BRD8: variants seen among roughly 807,000 people sequenced by gnomAD.
The protein encoded by BRD8 is bromodomain-containing protein 8.
BRD8 carries 67 observed loss-of-function variants against 143.1 expected under a neutral mutation model. The observed-to-expected ratio is 0.47, with a 90% confidence interval of 0.38 to 0.57. BRD8 has a LOEUF of 0.57. Ranked by LOEUF, BRD8 falls within the 20% of genes least tolerant of loss-of-function variation. The pLI is 0.00. For synonymous variants in BRD8, 505 were observed against 517.1 expected, an observed-to-expected ratio of 0.98 and a Z score of 0.32; for missense variants, 1,103 against 1,503.0, an observed-to-expected ratio of 0.73 and a Z score of 4.40.
Position 138,161,056 on chromosome 5 carries a change from C to A in BRD8, c.2262G>T (p.Leu754Phe). Residue 754 changes from leucine (L) to phenylalanine (F), a missense_variant, in exon 18 of 27, where the codon TTG (leucine) becomes TTT (phenylalanine). This residue lies in a region of BRD8 where 64 missense variants were observed against 211.3 expected (regional missense o/e 0.30). Transcript: ENST00000254900. ...TTTCTATGTTTTTCTTAATAGTTGA[C>A]AAATCCATAGGCCTAAAAAAAAAGA... ...YHSIVQRPMD[L>F]STIKKNIENG... The A allele has an allele frequency of 6.2e-7, 1 of 1,610,680 alleles. No individual in the cohort carries two copies. The highest frequency in any genetic ancestry group is 8.5e-7 in the Non-Finnish European group (1 of 1,178,496).
At chr5:138,177,833 T>C (rs1754486382) in intron 1 of BRD8, among the ~76,000 whole-genome samples, 166 bp from the exon 2 acceptor site, 1 of 152,144 alleles carries the variant, frequency 6.6e-6, no homozygotes, top group Non-Finnish European at 1.5e-5. Context: ...CCTCTCCAAG[T>C]GAAATATCAC....
Position 138,157,348 on chromosome 5 carries a change from G to A in BRD8, c.2577+2207C>T, listed in dbSNP as rs1009483292. On this transcript the variant is annotated intron_variant, in intron 20 of 26. Coordinates refer to ENST00000254900, the MANE Select transcript of BRD8 (RefSeq NM_139199.2). ...GGTGCAACAGAAAAGTTGGGGATTT[G>A]GTTTCTTGGGGGAGAGGGAAGAGAA... 9.6e-6 allele frequency: 15 copies of A among 1,565,634 alleles called. No individual in the cohort carries two copies. In the African/African-American group the frequency reaches 1.9e-4, roughly 20 times the overall value.
chr5:138,154,535 T>C (rs1398401854), intron 20 of BRD8, among the ~76,000 whole-genome samples: 1 of 152,226 alleles, frequency 6.6e-6, no homozygotes, highest in Non-Finnish European at 1.5e-5. Flanking sequence ...TTTTCCTTTC[T>C]TGTTTGCAAC....
chr5:138,156,297 G>A (rs766467281), intron 20 of BRD8, among the ~76,000 whole-genome samples: 24 of 151,880 alleles, frequency 1.6e-4, no homozygotes, highest in Non-Finnish European at 3.1e-4. Context: ...GCGCCACCAC[G>A]CCCAGCTAAT....
Position 138,163,301 on chromosome 5 carries a change from G to A in BRD8, c.1916C>T (p.Ala639Val), listed in dbSNP as rs150894547. 1.1e-4 allele frequency: 174 copies of A among 1,613,990 alleles called. No homozygotes were observed. The highest frequency in any genetic ancestry group is 1.4e-4 in the Non-Finnish European group (164 of 1,180,016). Residue 639 changes from alanine (A) to valine (V), a missense_variant, in exon 15 of 27, where the codon GCG becomes GTG. Ala to Val is a moderately conservative substitution (Grantham distance 64). Coordinates refer to ENST00000254900, the MANE Select transcript of BRD8 (RefSeq NM_139199.2). ...EDEEEDGVSE[A>V]ASLEEPKEED... is the part of the protein sequence containing the mutation. ...TTCCTTAGGCTCCTCTAGGCTGGCC[G>A]CTTCACTGACACCATCTTCCTCCTC...
intron 18 of BRD8, 133 bp from the exon 19 acceptor site, chr5:138,160,306 T>C: frequency 1.6e-6 from 1 of 644,446 alleles, no homozygotes; most frequent in South Asian, 2.0e-5. Flanking sequence ...TGATTGGAAG[T>C]TTAGCATATT....
chr5:138,175,485 A>C (rs1427565871), intron 2 of BRD8, among the ~76,000 whole-genome samples: 1 of 152,002 alleles, frequency 6.6e-6, no homozygotes, highest in Non-Finnish European at 1.5e-5. Context: ...TAGGAGGCTA[A>C]GGTGGGAGGA....
At chr5:138,162,392 C>A (rs1327966375) in intron 15 of BRD8, among the ~76,000 whole-genome samples, 1 of 151,942 alleles carries the variant, frequency 6.6e-6, no homozygotes, top group African/African-American at 2.4e-5. Context: ...GATAGGGTCT[C>A]ACTGTGTTGC....
intron 19 of BRD8, among the ~76,000 whole-genome samples, 181 bp downstream of exon 19, chr5:138,159,888 G>A (rs917026746): frequency 1.3e-5 from 2 of 152,082 alleles, no homozygotes; most frequent in Non-Finnish European, 2.9e-5. Flanking sequence ...TGGGCCTTTC[G>A]GTTACAATAG....
chr5:138,145,300 G>A (rs1752103345), intron 24 of BRD8, 55 bp from the exon 25 acceptor site: 2 of 1,531,128 alleles, frequency 1.3e-6, no homozygotes, highest in Admixed American at 1.8e-5. Flanking sequence ...GCACTCTGAA[G>A]GAGAAGAGTA....
chr5:138,155,498 T>A (rs1220515660), intron 20 of BRD8, among the ~76,000 whole-genome samples: 5 of 144,602 alleles, frequency 3.5e-5, no homozygotes, highest in African/African-American at 5.0e-5. Flanking sequence ...ACTCATCACT[T>A]AAAAAAAAAA....
At chr5:138,174,706 A>G (rs1428879570) in intron 2 of BRD8, among the ~76,000 whole-genome samples, 2 of 152,132 alleles carry the variant, frequency 1.3e-5, no homozygotes, top group Non-Finnish European at 1.5e-5. Context: ...TGCATGGAAC[A>G]AGGATGTGAT....
chr5:138,164,962 T>G lies in BRD8; in HGVS notation c.1483A>C (p.Ile495Leu), dbSNP rs772025827. Residue 495 changes from isoleucine to leucine, a missense_variant, in exon 12 of 27, where the codon ATA becomes CTA. Physicochemically the swap from Ile to Leu is conservative, Grantham distance 5. Around this residue, in one of 7 missense-constraint regions of BRD8, gnomAD observed 139 missense variants for 139.0 expected, o/e 1.00. Transcript: ENST00000254900. ...LDFEETENKG[I>L]HELVDIREPS... ...TCCCTGATGTCCACCAGTTCATGTATTCCCTTGTTTTCCGTTTCCTCAAAG... is the reference window on the plus strand; with the variant it reads ...TCCCTGATGTCCACCAGTTCATGTAGTCCCTTGTTTTCCGTTTCCTCAAAG... 1 of 1,614,204 alleles carries G rather than the reference T, an allele frequency of 6.2e-7. No individual in the cohort carries two copies. Among genetic ancestry groups the G allele is most frequent in the South Asian group, 1.1e-5 (1 of 91,084 alleles).
intron 11 of BRD8, 95 bp downstream of exon 11, chr5:138,165,726 CAAAAAAA>C: frequency 7.4e-6 from 7 of 943,734 alleles, no homozygotes; most frequent in Non-Finnish European, 5.7e-6. Flanking sequence ...ACTCTGTCTC[CAAAAAAA>C]AAAAAAAAAA....
chr5:138,147,402 C>A (rs1326569495), intron 23 of BRD8, among the ~76,000 whole-genome samples: 2 of 151,174 alleles, frequency 1.3e-5, no homozygotes, highest in Non-Finnish European at 2.9e-5. Flanking sequence ...TTTCCACAGA[C>A]AACTGGGTGG....
In BRD8 at chr5:138,139,922, A is replaced by C; in HGVS notation, c.*152T>G. On this transcript the variant is annotated 3_prime_UTR_variant, in exon 27 of 27. Transcript: ENST00000254900. ...CCCTTTTTTTCTTTATATTATGTCC[A>C]CATGCATCTTTGACTCGTTGGTTGT... 1.6e-6 allele frequency: 1 copy of C among 608,846 alleles called. No homozygotes were observed. Among genetic ancestry groups the C allele is most frequent in the Non-Finnish European group, 2.9e-6 (1 of 343,928 alleles). 37.7% of individuals were successfully genotyped at this position (608,846 alleles called of 1,614,324 possible).
chr5:138,170,780 G>A (rs1371639040), intron 6 of BRD8, 52 bp downstream of exon 6: 15 of 1,496,802 alleles, frequency 1.0e-5, no homozygotes, highest in Non-Finnish European at 1.4e-5. Context: ...TACTTGAGGG[G>A]AAAAGAGGGT....
intron 2 of BRD8, 39 bp downstream of exon 2, chr5:138,177,532 T>A (rs761183471): frequency 4.7e-6 from 6 of 1,265,374 alleles, no homozygotes; most frequent in Non-Finnish European, 5.8e-6. Context: ...ATCTAACAAT[T>A]TCTAAGACCC....
At chr5:138,166,750 A>G (rs772429634) in intron 9 of BRD8, 23 bp from the exon 10 acceptor site, 12 of 1,420,990 alleles carry the variant, frequency 8.4e-6, no homozygotes, top group Non-Finnish European at 1.1e-5. Flanking sequence ...GAGGTACACA[A>G]AATGAAGTAA....
Sources: allele counts gnomAD v4.1 joint callset (sites outside exome capture counted in the v4.1 genomes callset), GRCh38; gene constraint gnomAD v4.1.1; regional missense constraint gnomAD v4.1.1; transcripts MANE v1.5; gene names NCBI Gene and HGNC (gene_info 2026-07-23, HGNC 2026-07-21).